The following KLF16 variants were observed in gnomAD, a reference collection of about 807,000 sequenced individuals.
KLF16 encodes the protein KLF transcription factor 16, also known as Krueppel-like factor 16.
KLF16 carries 6 observed loss-of-function variants against 6.1 expected under a neutral mutation model. The ratio of observed to expected loss-of-function variants is 0.98; its 90% CI spans 0.54 to 1.93. KLF16 has a LOEUF of 1.93. KLF16 is among the 30% of genes most tolerant of loss of function. The pLI, the probability that KLF16 is intolerant of heterozygous loss-of-function variation, is 0.01. For synonymous variants in KLF16, 211 were observed against 176.5 expected (o/e 1.20, Z -1.55); for missense variants, 355 against 363.8 (o/e 0.98, Z 0.20).
intron 1 of KLF16, among the ~76,000 whole-genome samples, chr19:1,858,705 C>T (rs1166645921): frequency 6.6e-6 from 1 of 152,092 alleles, no homozygotes; most frequent in East Asian, 1.9e-4. Context: ...CTCCCTTCTA[C>T]ATAAAAGGAG....
upstream of KLF16, among the ~76,000 whole-genome samples, chr19:1,864,348 T>G (rs2145371954): frequency 6.6e-6 from 1 of 152,296 alleles, no homozygotes; most frequent in Non-Finnish European, 1.5e-5. Flanking sequence ...GCTCGTCCTC[T>G]TCTCTGGGGT....
chr19:1,871,248 C>T, the KLF16 span, among the ~76,000 whole-genome samples: 4 of 152,208 alleles, frequency 2.6e-5, no homozygotes, highest in African/African-American at 9.6e-5. Flanking sequence ...GTCACCTGTA[C>T]CCACAGGCTG....
chr19:1,869,402 C>T, the KLF16 span, among the ~76,000 whole-genome samples: 12 of 152,250 alleles, frequency 7.9e-5, no homozygotes, highest in South Asian at 2.5e-3. Context: ...ATCACTTGAT[C>T]CCAGGAGGCG....
upstream of KLF16, among the ~76,000 whole-genome samples, chr19:1,864,456 G>A (rs965582969): frequency 6.6e-6 from 1 of 151,680 alleles, no homozygotes; most frequent in African/African-American, 2.4e-5. Flanking sequence ...GCAAGGCTGC[G>A]TTCGTTCCTC....
rs768469356 is a variant in KLF16 at position 1,863,096 on chromosome 19, G to T, written c.402C>A (p.Cys134Ter). The change falls in exon 1 of 2, where the codon TGC becomes TGA. Residue 134 changes from cysteine (C) to a stop codon, truncating the protein, a stop_gained. Coordinates refer to ENST00000250916, the MANE Select transcript of KLF16 (RefSeq NM_031918.4). LOFTEE classifies it high-confidence loss of function. The part of the protein sequence containing the change: ...AKSHRCPFPD[C>*]AKAYYKSSHL... The stretch of plus-strand genomic sequence containing the variant: ...GCGAGGACTTGTAGTAGGCTTTGGC[G>T]CAGTCCGGGAAGGGACAGCGGTGGC... 1 of 1,404,360 alleles carries T rather than the reference G, an allele frequency of 7.1e-7. No individual in the cohort carries two copies. Among genetic ancestry groups the T allele is most frequent in the Non-Finnish European group, 9.4e-7 (1 of 1,060,612 alleles). The allele number at this position is 1,404,360 out of a possible 1,614,324, so 87.0% of individuals were successfully genotyped here.
At chr19:1,876,506 A>G in the KLF16 span, among the ~76,000 whole-genome samples, 1 of 152,090 alleles carries the variant, frequency 6.6e-6, no homozygotes, top group African/African-American at 2.4e-5. Flanking sequence ...AGCACCTGCC[A>G]CCGCCCTCTG....
At chr19:1,869,787 C>A in the KLF16 span, among the ~76,000 whole-genome samples, 1 of 152,026 alleles carries the variant, frequency 6.6e-6, no homozygotes, top group African/African-American at 2.4e-5. Context: ...TTTTAAATTT[C>A]ATTTTCTAGA....
intron 1 of KLF16, among the ~76,000 whole-genome samples, chr19:1,856,137 A>AG (rs147145852): frequency 0.011 from 1,727 of 152,268 alleles, 38 homozygotes; most frequent in African/African-American, 0.04. Flanking sequence ...GCAGCCAGCC[A>AG]GGGGCCTAGA....
chr19:1,862,697 G>A (rs2012091640), intron 1 of KLF16: 1 of 232,996 alleles, frequency 4.3e-6, no homozygotes, highest in Admixed American at 5.8e-5. Flanking sequence ...GGTGCCCACC[G>A]CCCAGACCAG....
At chr19:1,872,420 C>T in the KLF16 span, among the ~76,000 whole-genome samples, 3 of 152,212 alleles carry the variant, frequency 2.0e-5, no homozygotes, top group Non-Finnish European at 4.4e-5. Context: ...CGTGAGCCAC[C>T]GCGCCCAGCC....
the KLF16 span, among the ~76,000 whole-genome samples, chr19:1,871,937 C>G: frequency 1.1e-4 from 16 of 152,124 alleles, no homozygotes; most frequent in Non-Finnish European, 2.1e-4. Flanking sequence ...TTTCCTTTCC[C>G]GTGCGAATCC....
chr19:1,867,234 G>A (rs1410809485), upstream of KLF16, among the ~76,000 whole-genome samples: 45 of 152,176 alleles, frequency 3.0e-4, no homozygotes, highest in Non-Finnish European at 1.5e-5. Context: ...AACCGGGGGT[G>A]CACCCACAAC....
Position 1,863,021 on chromosome 19 carries a change from G to T in KLF16, c.457+20C>A. 7.7e-7 allele frequency: 1 copy of T among 1,296,462 alleles called. No homozygotes were observed. Among genetic ancestry groups the T allele is most frequent in the Non-Finnish European group, 1.0e-6 (1 of 999,764 alleles). 80.3% of individuals were successfully genotyped at this position (1,296,462 alleles called of 1,614,324 possible). The stretch of plus-strand genomic sequence containing the variant: ...TCAGGCGGCCGCCCCCGCAAGGGCC[G>T]GGATCGCGGCTGCACTCACCTGTGT... On this transcript the variant is annotated intron_variant, in intron 1 of 1. Transcript: ENST00000250916.
chr19:1,865,503 G>A (rs2012173691), upstream of KLF16, among the ~76,000 whole-genome samples: 1 of 152,234 alleles, frequency 6.6e-6, no homozygotes, highest in East Asian at 1.9e-4. Flanking sequence ...GAACCAACCA[G>A]CCCTGCCCTC....
At chr19:1,867,427 T>TA (rs1171042261), upstream of KLF16, among the ~76,000 whole-genome samples, 1 of 152,148 alleles carries the variant, frequency 6.6e-6, no homozygotes, top group East Asian at 1.9e-4. Context: ...ATTCAAAACT[T>TA]ACCCAGGCAT....
chr19:1,864,594 G>A (rs1168781267), upstream of KLF16, among the ~76,000 whole-genome samples: 1 of 152,214 alleles, frequency 6.6e-6, no homozygotes, highest in African/African-American at 2.4e-5. Context: ...GGGCTGGGCT[G>A]GGGGCGCCTG....
Position 1,854,363 on chromosome 19 carries a change from C to G in KLF16, c.*96G>C. 1 of 1,341,088 alleles carries G rather than the reference C, an allele frequency of 7.5e-7. No homozygotes were observed. Among genetic ancestry groups the G allele is most frequent in the South Asian group, 1.8e-5 (1 of 54,254 alleles). The allele number at this position is 1,341,088 out of a possible 1,614,324, so 83.1% of individuals were successfully genotyped here. A position where few individuals can be genotyped will look rare whatever the true frequency, so the allele number is the denominator to read the frequency against. On this transcript the variant is annotated 3_prime_UTR_variant, in exon 2 of 2. Coordinates refer to ENST00000250916, the MANE Select transcript of KLF16 (RefSeq NM_031918.4). ...GGGGCAGGGGTGTCTTCAGGGTTTGCCCACGGCTGGAAGGGGCCCAGGCTC... is the reference window on the plus strand; with the variant it reads ...GGGGCAGGGGTGTCTTCAGGGTTTGGCCACGGCTGGAAGGGGCCCAGGCTC...
chr19:1,858,632 A>T (rs1477345349), intron 1 of KLF16, among the ~76,000 whole-genome samples: 2 of 152,226 alleles, frequency 1.3e-5, no homozygotes, highest in East Asian at 1.9e-4. Flanking sequence ...GCAAGGGCAG[A>T]TAATGTTTGC....
chr19:1,861,595 G>T (rs545523921), intron 1 of KLF16: 1 of 152,418 alleles, frequency 6.6e-6, no homozygotes, highest in East Asian at 1.9e-4. Flanking sequence ...CCCCACCCAA[G>T]TCCTGTCTTG....
Sources: gnomAD v4.1 joint callset for allele counts (sites outside exome capture counted in the v4.1 genomes callset) on GRCh38, gnomAD v4.1.1 for gene constraint, MANE v1.5 for transcripts, NCBI Gene and HGNC (gene_info 2026-07-23, HGNC 2026-07-21) for gene names.